Variants in LDLRAD4 observed in about 807,000 individuals in gnomAD.
LDLRAD4 encodes low density lipoprotein receptor class A domain containing 4, also known as low-density lipoprotein receptor class A domain-containing protein 4.
LDLRAD4 carries 5 observed loss-of-function variants against 17.0 expected under a neutral mutation model. The ratio of observed to expected loss-of-function variants is 0.29; its 90% CI spans 0.15 to 0.62. The LOEUF is 0.62. Among genes scored for constraint, LDLRAD4 ranks in the 20% least tolerant of loss-of-function variants. The pLI is 0.84. For missense variants in LDLRAD4, 340 were observed against 424.7 expected (o/e 0.80, Z 1.75); for synonymous variants, 168 against 171.8 (o/e 0.98, Z 0.17).
At chr18:13,237,220 GT>G (rs1325848113) in intron 1 of LDLRAD4, among the ~76,000 whole-genome samples, 1 of 152,202 alleles carries the variant, frequency 6.6e-6, no homozygotes, top group Non-Finnish European at 1.5e-5. Context: ...TGCTTGCAGG[GT>G]TACTCTGACT....
At chr18:13,230,091 A>T (rs2041998326) in intron 1 of LDLRAD4, among the ~76,000 whole-genome samples, 1 of 152,232 alleles carries the variant, frequency 6.6e-6, no homozygotes, top group Non-Finnish European at 1.5e-5. Context: ...CTTCTCCCTC[A>T]TGTGTGGGAT....
At chr18:13,526,277 T>C (rs191221120) in intron 3 of LDLRAD4, 5 of 152,276 alleles carry the variant, frequency 3.3e-5, no homozygotes, top group Admixed American at 3.3e-4. Context: ...GCACTGCATG[T>C]GGTGGGAAAA....
intron 1 of LDLRAD4, among the ~76,000 whole-genome samples, chr18:13,373,726 T>G (rs1014768506): frequency 6.6e-6 from 1 of 152,252 alleles, no homozygotes; most frequent in African/African-American, 2.4e-5. Context: ...CCTGGCAGTT[T>G]ATGTGGTATT....
At chr18:13,335,854 A>G (rs2082077871) in intron 1 of LDLRAD4, among the ~76,000 whole-genome samples, 1 of 152,158 alleles carries the variant, frequency 6.6e-6, no homozygotes, top group Admixed American at 6.5e-5. Context: ...CTTCTTATAG[A>G]TGACTTGATT....
intron 1 of LDLRAD4, among the ~76,000 whole-genome samples, chr18:13,285,596 G>A (rs1047793432): frequency 5.9e-5 from 9 of 152,176 alleles, no homozygotes; most frequent in Admixed American, 3.3e-4. Flanking sequence ...TCAGTGCTTG[G>A]GAGAGGGTTC....
intron 2 of LDLRAD4, among the ~76,000 whole-genome samples, chr18:13,392,685 T>C (rs1167949956): frequency 6.6e-6 from 1 of 152,202 alleles, no homozygotes; most frequent in African/African-American, 2.4e-5. Flanking sequence ...CGGCCCATGG[T>C]ACCACCCTTG....
intron 1 of LDLRAD4, among the ~76,000 whole-genome samples, chr18:13,322,825 A>G (rs1289414626): frequency 1.4e-5 from 2 of 142,852 alleles, no homozygotes; most frequent in Admixed American, 7.1e-5. Context: ...GGATTTTACC[A>G]TGTTGGCCAG....
chr18:13,486,605 T>G (rs2093228857), intron 3 of LDLRAD4: 1 of 152,242 alleles, frequency 6.6e-6, no homozygotes, highest in Non-Finnish European at 1.5e-5. Context: ...GAAGTGCGCT[T>G]GAGGAAAGAG....
At chr18:13,223,185 G>T (rs2041557469) in intron 1 of LDLRAD4, among the ~76,000 whole-genome samples, 1 of 152,162 alleles carries the variant, frequency 6.6e-6, no homozygotes. Context: ...ATGGGACTTG[G>T]GGACTGGACG....
intron 2 of LDLRAD4, among the ~76,000 whole-genome samples, chr18:13,402,437 T>C (rs1191706537): frequency 1.3e-5 from 2 of 152,230 alleles, no homozygotes; most frequent in African/African-American, 2.4e-5. Context: ...ATTTTTATAA[T>C]CTAGATTACC....
At chr18:13,349,404 A>G (rs889462887) in intron 1 of LDLRAD4, among the ~76,000 whole-genome samples, 4 of 152,244 alleles carry the variant, frequency 2.6e-5, no homozygotes, top group Non-Finnish European at 5.9e-5. Flanking sequence ...AAGAATAAAA[A>G]GTGGAGTTAC....
intron 3 of LDLRAD4, chr18:13,462,029 T>C (rs2092451031): frequency 6.6e-6 from 1 of 152,182 alleles, no homozygotes; most frequent in African/African-American, 2.4e-5. Context: ...GAATCGGCCT[T>C]AGGTTCCCTT....
chr18:13,565,254 G>A (rs1443352282), intron 3 of LDLRAD4, among the ~76,000 whole-genome samples: 1 of 152,204 alleles, frequency 6.6e-6, no homozygotes, highest in Non-Finnish European at 1.5e-5. Flanking sequence ...TTGGCCAGGG[G>A]TGTCCAGGAG....
intron 1 of LDLRAD4, among the ~76,000 whole-genome samples, chr18:13,230,470 T>C (rs913379063): frequency 6.6e-6 from 1 of 152,200 alleles, no homozygotes; most frequent in Non-Finnish European, 1.5e-5. Flanking sequence ...CTTTGTATAT[T>C]ATGTGTACAA....
At chr18:13,442,479 T>C (rs971049056) in intron 3 of LDLRAD4, among the ~76,000 whole-genome samples, 1 of 152,134 alleles carries the variant, frequency 6.6e-6, no homozygotes, top group Admixed American at 6.5e-5. Context: ...TGGCGCTGTC[T>C]TGGGACAGAA....
chr18:13,494,222 T>G (rs1398483610), intron 3 of LDLRAD4, among the ~76,000 whole-genome samples: 1 of 152,148 alleles, frequency 6.6e-6, no homozygotes, highest in Non-Finnish European at 1.5e-5. Context: ...GTCTAGCTTG[T>G]CTGACACAAA....
At chr18:13,522,675 G>C (rs2093970218) in intron 3 of LDLRAD4, 1 of 152,072 alleles carries the variant, frequency 6.6e-6, no homozygotes, top group South Asian at 2.1e-4. Flanking sequence ...TATGGCATCA[G>C]ACACAAAAGC....
intron 1 of LDLRAD4, among the ~76,000 whole-genome samples, chr18:13,232,914 G>GT (rs1055562171): frequency 3.7e-4 from 57 of 152,316 alleles, no homozygotes; most frequent in African/African-American, 1.4e-3. Flanking sequence ...GGCTCTCCCT[G>GT]GTGTGGTCCT....
At chr18:13,224,680 G>T (rs1352972227) in intron 1 of LDLRAD4, among the ~76,000 whole-genome samples, 14 of 151,028 alleles carry the variant, frequency 9.3e-5, no homozygotes, top group Non-Finnish European at 1.9e-4. Flanking sequence ...CGGGGTTTCA[G>T]CGTGTTAGCC....
Sources: allele counts gnomAD v4.1 joint callset (sites outside exome capture counted in the v4.1 genomes callset), GRCh38; gene constraint gnomAD v4.1.1; transcripts MANE v1.5; gene names NCBI Gene and HGNC (gene_info 2026-07-23, HGNC 2026-07-21).